Variants in L3MBTL3 observed in about 807,000 individuals in gnomAD.
L3MBTL3 encodes L3MBTL histone methyl-lysine binding protein 3.
Under a neutral mutation model 102.3 loss-of-function variants are expected in L3MBTL3, and 27 were observed. The observed-to-expected ratio is 0.26, with a 90% confidence interval of 0.19 to 0.36. The LOEUF (loss-of-function observed/expected upper bound fraction) is 0.36. Among genes scored for constraint, L3MBTL3 ranks in the 10% least tolerant of loss-of-function variants. The pLI is 1.00. For synonymous variants in L3MBTL3, 340 were observed against 320.9 expected (o/e 1.06, Z -0.64); for missense variants, 798 against 955.3 (o/e 0.84, Z 2.17).
At chr6:130,075,491 C>T (rs1435283852) in intron 13 of L3MBTL3, among the ~76,000 whole-genome samples, 1 of 152,132 alleles carries the variant, frequency 6.6e-6, no homozygotes, top group Non-Finnish European at 1.5e-5. Flanking sequence ...CTTTAGTTGT[C>T]TTCTGAAAGG....
In L3MBTL3 at chr6:130,133,769, A is replaced by T; in HGVS notation, c.2137-74A>T. ...GAGAAATAACTAATGCATATGGGTT[A>T]AATGTTTTGAACCTGTAGCATTTAG... On this transcript the variant is annotated intron_variant, in intron 21 of 22. Coordinates refer to ENST00000361794, the MANE Select transcript of L3MBTL3 (RefSeq NM_032438.4). The surrounding 1 kb of genome is among the most constrained non-coding windows in gnomAD (Gnocchi z 4.9). 1 of 1,478,936 alleles carries T rather than the reference A, an allele frequency of 6.8e-7. No individual in the cohort carries two copies. Among genetic ancestry groups the T allele is most frequent in the Non-Finnish European group, 9.4e-7 (1 of 1,060,046 alleles). 91.6% of individuals were successfully genotyped at this position (1,478,936 alleles called of 1,614,324 possible).
At chr6:130,049,182 G>A in intron 3 of L3MBTL3, 100 bp from the exon 4 acceptor site, 1 of 677,580 alleles carries the variant, frequency 1.5e-6, no homozygotes, top group Non-Finnish European at 2.6e-6. Flanking sequence ...CTTTTACCAT[G>A]TAATTAATTT....
intron 18 of L3MBTL3, among the ~76,000 whole-genome samples, chr6:130,098,468 A>G (rs1302114494): frequency 6.6e-6 from 1 of 152,224 alleles, no homozygotes; most frequent in African/African-American, 2.4e-5. Context: ...GAAGCAGAGC[A>G]TTCATAATGA....
chr6:130,110,245 G>C (rs1785266797), intron 19 of L3MBTL3, among the ~76,000 whole-genome samples: 1 of 152,150 alleles, frequency 6.6e-6, no homozygotes, highest in Admixed American at 6.5e-5. Context: ...GAAAGTCACT[G>C]GTGGCCTGAT....
Position 130,140,538 on chromosome 6 carries a change from C to T in L3MBTL3, c.*785C>T, listed in dbSNP as rs1180615125. 7.2e-5 allele frequency: 11 copies of T among 152,096 alleles called. No homozygotes were observed. In the East Asian group the frequency reaches 1.2e-3, roughly 16 times the overall value. 9.4% of individuals were successfully genotyped at this position (152,096 alleles called of 1,614,324 possible). A position where few individuals can be genotyped will look rare whatever the true frequency, so the allele number is the denominator to read the frequency against. ...ATCAGTCTCACTCATCTTGGTGCCCCGGTGTTTACAAGAGCCAGATGGTGT... is the reference window on the plus strand; with the variant it reads ...ATCAGTCTCACTCATCTTGGTGCCCTGGTGTTTACAAGAGCCAGATGGTGT... On this transcript the variant is annotated 3_prime_UTR_variant, in exon 23 of 23. Transcript: ENST00000361794.
chr6:130,120,030 A>G (rs1266604824), intron 19 of L3MBTL3, among the ~76,000 whole-genome samples: 1 of 152,222 alleles, frequency 6.6e-6, no homozygotes, highest in African/African-American at 2.4e-5. Context: ...AAACTCACGT[A>G]TATTTGTAAC....
intron 13 of L3MBTL3, among the ~76,000 whole-genome samples, chr6:130,076,796 G>C (rs1314954294): frequency 1.3e-5 from 2 of 152,064 alleles, no homozygotes; most frequent in African/African-American, 4.8e-5. Flanking sequence ...GTGAAGTGTT[G>C]TTTGCTTATT....
Position 130,133,867 on chromosome 6 carries a change from C to T in L3MBTL3, c.2161C>T (p.Pro721Ser). 6.2e-7 allele frequency: 1 copy of T among 1,613,086 alleles called. No individual in the cohort carries two copies. Reference protein sequence around the residue: ...DEVSEFIQSLPGCEEHGKVFK... With the variant: ...DEVSEFIQSLSGCEEHGKVFK... The stretch of plus-strand genomic sequence containing the variant: ...GGTGTCAGAATTTATACAGAGCTTA[C>T]CTGGGTGTGAAGAACATGGAAAGGT... Residue 721 changes from proline to serine, a missense_variant, in exon 22 of 23, where the codon CCT (proline) becomes TCT (serine). Coordinates refer to ENST00000361794, the MANE Select transcript of L3MBTL3 (RefSeq NM_032438.4). The surrounding 1 kb of genome is among the most constrained non-coding windows in gnomAD (Gnocchi z 4.9).
intron 20 of L3MBTL3, among the ~76,000 whole-genome samples, chr6:130,132,683 T>C (rs1178426010): frequency 6.6e-6 from 1 of 152,138 alleles, no homozygotes; most frequent in East Asian, 1.9e-4. Flanking sequence ...AAAAATCCTT[T>C]GCTAGAGAAT....
intron 14 of L3MBTL3, among the ~76,000 whole-genome samples, chr6:130,081,051 C>T (rs1351338525): frequency 6.6e-6 from 1 of 152,184 alleles, no homozygotes; most frequent in Non-Finnish European, 1.5e-5. Context: ...ACTAAGCTGC[C>T]CTCTAGGCCA....
In L3MBTL3 at chr6:130,098,750, T is replaced by G. The variant is rs919153890; in HGVS notation, c.1736+4383T>G. 9.9e-5 allele frequency among the ~76,000 whole-genome samples: 15 copies of G among 152,032 alleles called. 1 individual carries two copies. Among genetic ancestry groups the G allele is most frequent in the Non-Finnish European group, 2.9e-5 (2 of 68,014 alleles). On this transcript the variant is annotated intron_variant, in intron 18 of 22. Transcript: ENST00000361794. The stretch of plus-strand genomic sequence containing the variant: ...TTAAGGAAGCACCTGAGATTGTACA[T>G]TGGCGGAATCAGAATTCAACCCAGG...
chr6:130,089,744 T>C (rs974125129), intron 16 of L3MBTL3, among the ~76,000 whole-genome samples: 2 of 152,030 alleles, frequency 1.3e-5, no homozygotes, highest in African/African-American at 2.4e-5. Context: ...CCTGACTTTT[T>C]AATAATTGCC....
intron 19 of L3MBTL3, among the ~76,000 whole-genome samples, chr6:130,114,600 T>G (rs1429205096): frequency 1.3e-5 from 2 of 152,190 alleles, no homozygotes; most frequent in Non-Finnish European, 2.9e-5. Flanking sequence ...TTCCTTTTAT[T>G]GTATTCTTTC....
intron 1 of L3MBTL3, among the ~76,000 whole-genome samples, chr6:130,020,871 A>C: frequency 6.7e-6 from 1 of 148,412 alleles, no homozygotes. Context: ...CCGCTTCTCC[A>C]CCTCGGGGCC....
intron 17 of L3MBTL3, among the ~76,000 whole-genome samples, chr6:130,093,758 A>C (rs1784194804): frequency 6.6e-6 from 1 of 152,242 alleles, no homozygotes; most frequent in South Asian, 2.1e-4. Flanking sequence ...ATGTGCCTGA[A>C]TGCTTAGAAC....
At chr6:130,040,254 G>A (rs1454366380) in intron 2 of L3MBTL3, among the ~76,000 whole-genome samples, 3 of 151,622 alleles carry the variant, frequency 2.0e-5, no homozygotes, top group Non-Finnish European at 2.9e-5. Context: ...GCTTGAACCC[G>A]GGAGGCGGAG....
At chr6:130,063,174 T>C (rs1438160707) in intron 10 of L3MBTL3, among the ~76,000 whole-genome samples, 1 of 152,210 alleles carries the variant, frequency 6.6e-6, no homozygotes, top group East Asian at 1.9e-4. Context: ...AGGAGTCTCT[T>C]GCATTACAAC....
At chr6:130,054,940 G>A in intron 7 of L3MBTL3, 1 of 464,608 alleles carries the variant, frequency 2.2e-6, no homozygotes, top group East Asian at 4.3e-5. Flanking sequence ...GGAGCGGGGA[G>A]CGGTGTCCAT....
At chr6:130,136,441 T>G (rs938811772) in intron 22 of L3MBTL3, among the ~76,000 whole-genome samples, 2 of 152,128 alleles carry the variant, frequency 1.3e-5, no homozygotes, top group South Asian at 4.1e-4. Flanking sequence ...CTCCTCCTTC[T>G]GCACAGAACA....
Sources: gnomAD v4.1 joint callset for allele counts (sites outside exome capture counted in the v4.1 genomes callset) on GRCh38, gnomAD v4.1.1 for gene constraint, Gnocchi (gnomAD v3.1) non-coding constraint, MANE v1.5 for transcripts, NCBI Gene and HGNC (gene_info 2026-07-23, HGNC 2026-07-21) for gene names.